The following TICAM2 variants were observed in gnomAD, a reference collection of about 807,000 sequenced individuals.
TICAM2 encodes TIR domain containing adaptor molecule 2, also known as TIR domain-containing adapter molecule 2.
In TICAM2, 8 loss-of-function variants were observed where a neutral mutation model predicts 7.3. The observed-to-expected ratio is 1.10, with a 90% CI of 0.65 to 1.99. The LOEUF (loss-of-function observed/expected upper bound fraction) is 1.99. Ranked by LOEUF, TICAM2 falls within the 30% of genes most tolerant of loss-of-function variation. TICAM2 has a pLI of 0.00. For synonymous variants in TICAM2, 113 were observed against 99.6 expected, an observed-to-expected ratio of 1.13 and a Z score of -0.80; for missense variants, 304 against 278.8, an observed-to-expected ratio of 1.09 and a Z score of -0.65.
intron 1 of TICAM2, among the ~76,000 whole-genome samples, chr5:115,594,423 T>C (rs1281077783): frequency 2.0e-5 from 3 of 152,202 alleles, no homozygotes; most frequent in African/African-American, 7.2e-5. Context: ...AATAAATAAA[T>C]GTATGTAAGT....
intron 1 of TICAM2, among the ~76,000 whole-genome samples, chr5:115,593,860 C>T (rs1386734154): frequency 1.3e-5 from 2 of 151,954 alleles, no homozygotes; most frequent in Non-Finnish European, 2.9e-5. Context: ...TGAAACAGAT[C>T]CAAACATATA....
chr5:115,593,240 T>A (rs1368498554), intron 1 of TICAM2, among the ~76,000 whole-genome samples: 1 of 152,176 alleles, frequency 6.6e-6, no homozygotes, highest in Admixed American at 6.6e-5. Flanking sequence ...TAAAAACTCT[T>A]AGCAAACTGG....
In TICAM2 at chr5:115,580,607, G is replaced by C. The variant is rs1471301443; in HGVS notation, c.650C>G (p.Thr217Arg). ...ERIFQESVYK[T>R]QQTIWKETRN... is the part of the protein sequence containing the mutation. ...TGTCTCTTTCCATATAGTTTGTTGT[G>C]TCTTATACACAGACTCCTGAAAAAT... Residue 217 changes from threonine (T) to arginine (R), a missense_variant, in exon 2 of 2, where the codon ACA becomes AGA. Transcript: ENST00000427199. 1.9e-6 allele frequency: 3 copies of C among 1,597,712 alleles called. No individual in the cohort carries two copies. Among genetic ancestry groups the C allele is most frequent in the Non-Finnish European group, 2.6e-6 (3 of 1,175,294 alleles).
intron 1 of TICAM2, among the ~76,000 whole-genome samples, chr5:115,589,202 T>C (rs972744977): frequency 6.6e-6 from 1 of 152,178 alleles, no homozygotes; most frequent in Non-Finnish European, 1.5e-5. Flanking sequence ...ATATGGCCCA[T>C]AAAGCCTACA....
At chr5:115,585,375 G>A (rs935124004) in intron 1 of TICAM2, among the ~76,000 whole-genome samples, 2 of 152,192 alleles carry the variant, frequency 1.3e-5, no homozygotes, top group Admixed American at 6.5e-5. Context: ...CAGTCAATGA[G>A]GAGATAAGCA....
chr5:115,588,273 G>A (rs1222165891), intron 1 of TICAM2, among the ~76,000 whole-genome samples: 1 of 152,188 alleles, frequency 6.6e-6, no homozygotes, highest in African/African-American at 2.4e-5. Flanking sequence ...TGGGCACTGG[G>A]TAAGCTCTGT....
chr5:115,600,165 G>A lies in TICAM2; in HGVS notation c.-60+1932C>T, dbSNP rs115487030. On this transcript the variant is annotated intron_variant, in intron 1 of 1. Coordinates refer to ENST00000427199, the MANE Select transcript of TICAM2 (RefSeq NM_021649.7). ...AGAATTCCGGCCTACTTGAATGGCAGTAACTGAGGCTGTTTATTGAGATAA... is the reference window on the plus strand; with the variant it reads ...AGAATTCCGGCCTACTTGAATGGCAATAACTGAGGCTGTTTATTGAGATAA... Among the ~76,000 whole-genome samples the A allele has an allele frequency of 9.4e-3, 1,435 of 152,276 alleles. 26 individuals are homozygous for A. Among genetic ancestry groups the A allele is most frequent in the African/African-American group, 0.033 (1,374 of 41,544 alleles).
chr5:115,586,321 A>T (rs1003275001), intron 1 of TICAM2, among the ~76,000 whole-genome samples: 20 of 151,976 alleles, frequency 1.3e-4, no homozygotes, highest in African/African-American at 4.8e-4. Flanking sequence ...TTTAGGCTAG[A>T]TTTATGGCAA....
At chr5:115,595,298 G>A (rs934103810) in intron 1 of TICAM2, among the ~76,000 whole-genome samples, 3 of 152,040 alleles carry the variant, frequency 2.0e-5, no homozygotes, top group African/African-American at 7.2e-5. Context: ...GATTACGACG[G>A]AAACCTACAA....
In TICAM2 at chr5:115,579,235, T is replaced by C. The variant is rs999845910; in HGVS notation, c.*1314A>G. On this transcript the variant is annotated 3_prime_UTR_variant, in exon 2 of 2. Transcript: ENST00000427199. ...CTTCTGCAACTATTACATATCACTTTATCGAATCCAAACTTTTTTGCTTGT... is the reference window on the plus strand; with the variant it reads ...CTTCTGCAACTATTACATATCACTTCATCGAATCCAAACTTTTTTGCTTGT... 3 of 152,668 alleles carry C rather than the reference T, an allele frequency of 2.0e-5. No individual in the cohort carries two copies. The highest frequency in any genetic ancestry group is 4.4e-5 in the Non-Finnish European group (3 of 68,040). 9.5% of individuals were successfully genotyped at this position (152,668 alleles called of 1,614,324 possible). A position where few individuals can be genotyped will look rare whatever the true frequency, so the allele number is the denominator to read the frequency against.
At chr5:115,601,436 T>C (rs900107432) in intron 1 of TICAM2, among the ~76,000 whole-genome samples, 8 of 152,152 alleles carry the variant, frequency 5.3e-5, no homozygotes, top group African/African-American at 1.9e-4. Flanking sequence ...GAAGGACAAG[T>C]TCTTCTCCTG....
chr5:115,584,157 T>A (rs1755024434), intron 1 of TICAM2, among the ~76,000 whole-genome samples: 1 of 152,212 alleles, frequency 6.6e-6, no homozygotes, highest in African/African-American at 2.4e-5. Context: ...ATATTCTTAT[T>A]TTTCTTTCCT....
intron 1 of TICAM2, among the ~76,000 whole-genome samples, chr5:115,593,722 C>G (rs1299856149): frequency 6.6e-6 from 1 of 152,090 alleles, no homozygotes; most frequent in Non-Finnish European, 1.5e-5. Flanking sequence ...AGTCAATACA[C>G]TTGGAAGAAT....
intron 1 of TICAM2, among the ~76,000 whole-genome samples, chr5:115,599,842 TTTTTC>T (rs1580422173): frequency 8.4e-5 from 2 of 23,728 alleles, no homozygotes; most frequent in Admixed American, 5.3e-4. Flanking sequence ...TGTAAGCCTG[TTTTTC>T]TTTTCTTTTT....
chr5:115,580,569 G>T lies in TICAM2; in HGVS notation c.688C>A (p.Gln230Lys). 1 of 1,598,018 alleles carries T rather than the reference G, an allele frequency of 6.3e-7. No individual in the cohort carries two copies. Among genetic ancestry groups the T allele is most frequent in the Non-Finnish European group, 8.5e-7 (1 of 1,175,028 alleles). The stretch of plus-strand genomic sequence containing the variant: ...TCATCTCAGGCAATAAATTGTCTTT[G>T]TACCATATTTCTTGTCTCTTTCCAT... ...TIWKETRNMV[Q>K]RQFIA The change falls in exon 2 of 2, where the codon CAA becomes AAA. Residue 230 changes from glutamine to lysine, a missense_variant. Physicochemically the swap from Gln to Lys is moderately conservative, Grantham distance 53. Transcript: ENST00000427199.
rs1020192705 is a variant in TICAM2 at position 115,579,514 on chromosome 5, T to C, written c.*1035A>G. ...TGGACGATGCTCCCTCAATCTCAGA[T>C]GGGCAGAAGGGCTGTGGAGGAAAGA... On this transcript the variant is annotated 3_prime_UTR_variant, in exon 2 of 2. Coordinates refer to ENST00000427199, the MANE Select transcript of TICAM2 (RefSeq NM_021649.7). 6.6e-6 allele frequency: 1 copy of C among 152,208 alleles called. No homozygotes were observed. The allele number at this position is 152,208 out of a possible 1,614,324, so 9.4% of individuals were successfully genotyped here.
intron 1 of TICAM2, 129 bp downstream of exon 1, chr5:115,601,968 T>C (rs1755767419): frequency 6.6e-6 from 1 of 152,162 alleles, no homozygotes; most frequent in Non-Finnish European, 1.5e-5. Context: ...ACCCGCGCCG[T>C]CGGGTCGGGT....
In TICAM2 at chr5:115,580,903, G is replaced by A; in HGVS notation, c.354C>T (p.Gly118=). 1.2e-6 allele frequency: 2 copies of A among 1,613,784 alleles called. No individual in the cohort carries two copies. The highest frequency in any genetic ancestry group is 1.7e-6 in the Non-Finnish European group (2 of 1,179,736). The change falls in exon 2 of 2, where the codon GGC becomes GGT. Residue 118 remains glycine, a synonymous_variant. Coordinates refer to ENST00000427199, the MANE Select transcript of TICAM2 (RefSeq NM_021649.7). ...CATCTAAATTCTGTAAATGCTGTCTGCCACATGGCATCTCAGCAAAGATTA... is the reference window on the plus strand; with the variant it reads ...CATCTAAATTCTGTAAATGCTGTCTACCACATGGCATCTCAGCAAAGATTA... ...PGIIFAEMPC[G]RQHLQNLDDA...
chr5:115,585,506 T>TTC (rs1194283404), intron 1 of TICAM2, among the ~76,000 whole-genome samples: 1 of 152,226 alleles, frequency 6.6e-6, no homozygotes, highest in Non-Finnish European at 1.5e-5. Context: ...TGGTGCATGC[T>TTC]TCTTAGATTA....
Sources: gnomAD v4.1 joint callset for allele counts (sites outside exome capture counted in the v4.1 genomes callset) on GRCh38, gnomAD v4.1.1 for gene constraint, MANE v1.5 for transcripts, NCBI Gene and HGNC (gene_info 2026-07-23, HGNC 2026-07-21) for gene names.